FAM78B: variants seen among roughly 807,000 people sequenced by gnomAD.
FAM78B encodes the protein family with sequence similarity 78 member B, also known as protein FAM78B.
In FAM78B, 10 loss-of-function variants were observed where a neutral mutation model predicts 20.0. The observed-to-expected ratio is 0.50, with a 90% confidence interval of 0.31 to 0.85. The LOEUF is 0.85. Among genes scored for constraint, FAM78B ranks in the 40% least tolerant of loss-of-function variants. The probability of loss-of-function intolerance (pLI) is 0.05; values close to 1 mark genes in which losing one functional copy is unlikely to be tolerated. For synonymous variants in FAM78B, 135 were observed against 132.8 expected, an observed-to-expected ratio of 1.02 and a Z score of -0.12; for missense variants, 283 against 345.0, an observed-to-expected ratio of 0.82 and a Z score of 1.42.
intron 1 of FAM78B, among the ~76,000 whole-genome samples, chr1:166,162,552 C>T (rs766926179): frequency 2.0e-5 from 3 of 152,212 alleles, no homozygotes; most frequent in Admixed American, 6.5e-5. Context: ...TCAAATCTTA[C>T]TCAGGAAACC....
intron 1 of FAM78B, among the ~76,000 whole-genome samples, chr1:166,104,425 C>T (rs1269144953): frequency 2.0e-5 from 3 of 152,202 alleles, no homozygotes; most frequent in Non-Finnish European, 2.9e-5. Flanking sequence ...TCCCTGTTTG[C>T]AGGTGACATG....
intron 1 of FAM78B, chr1:166,154,612 C>A: frequency 2.3e-6 from 1 of 442,454 alleles, no homozygotes; most frequent in Non-Finnish European, 4.7e-6. Context: ...TGCCTGAAGA[C>A]CTGGACCCTC....
intron 1 of FAM78B, among the ~76,000 whole-genome samples, chr1:166,125,832 ATTTTTTT>A (rs34168180): frequency 7.8e-6 from 1 of 128,802 alleles, no homozygotes; most frequent in Non-Finnish European, 1.6e-5. Flanking sequence ...GCTACTTTGA[ATTTTTTT>A]TTTTTTTTTT....
chr1:166,145,992 T>C (rs1173390576), intron 1 of FAM78B, among the ~76,000 whole-genome samples: 1 of 152,212 alleles, frequency 6.6e-6, no homozygotes, highest in Non-Finnish European at 1.5e-5. Flanking sequence ...TTAGTTCTTT[T>C]CATTTGCGAA....
chr1:166,075,741 T>G (rs1163483817), intron 1 of FAM78B, among the ~76,000 whole-genome samples: 1 of 152,230 alleles, frequency 6.6e-6, no homozygotes, highest in Non-Finnish European at 1.5e-5. Flanking sequence ...GGCTTAGGCT[T>G]TGGTCTTCTT....
At chr1:166,147,205 T>C (rs999058591) in intron 1 of FAM78B, among the ~76,000 whole-genome samples, 1 of 152,148 alleles carries the variant, frequency 6.6e-6, no homozygotes, top group Non-Finnish European at 1.5e-5. Context: ...TAGGAAAGGC[T>C]GGTTGTGTGT....
At chr1:166,155,323 C>A (rs183870721) in intron 1 of FAM78B, among the ~76,000 whole-genome samples, 1 of 152,344 alleles carries the variant, frequency 6.6e-6, no homozygotes, top group Admixed American at 6.5e-5. Flanking sequence ...AAATCTGGCT[C>A]TGGCACTACT....
Position 166,070,394 on chromosome 1 carries a change from C to A in FAM78B, c.633G>T (p.Leu211=). The A allele has an allele frequency of 6.2e-7, 1 of 1,614,126 alleles. No individual in the cohort carries two copies. Among genetic ancestry groups the A allele is most frequent in the Non-Finnish European group, 8.5e-7 (1 of 1,179,984 alleles). ...GCTGCTCCTGCTGAGTCCTGCCCACCAGCCGGGCCCGCTGCCCCAAGAGCT... is the reference window on the plus strand; with the variant it reads ...GCTGCTCCTGCTGAGTCCTGCCCACAAGCCGGGCCCGCTGCCCCAAGAGCT... The part of the protein sequence containing the change: ...PLQLLGQRAR[L]VGRTQQEQPR... Residue 211 remains leucine (L), a synonymous_variant, in exon 2 of 2, where the codon CTG becomes CTT. Coordinates refer to ENST00000354422, the MANE Select transcript of FAM78B (RefSeq NM_001017961.5).
chr1:166,099,681 G>A (rs1653431845), intron 1 of FAM78B, among the ~76,000 whole-genome samples: 1 of 152,000 alleles, frequency 6.6e-6, no homozygotes, highest in Non-Finnish European at 1.5e-5. Flanking sequence ...AGACAAAGAG[G>A]GACATTATAT....
rs907362500 is a variant in FAM78B at position 166,086,343 on chromosome 1, A to G, written c.264-15580T>C. On this transcript the variant is annotated intron_variant, in intron 1 of 1. Transcript: ENST00000354422. ...AGAGCAGAGGAATGTCCCCAAAGAA[A>G]GCACAGTGGCAGAAGGGCAGGACTC... Among the ~76,000 whole-genome samples, 10 of 152,230 alleles carry G rather than the reference A, an allele frequency of 6.6e-5. No homozygotes were observed. In the South Asian group the frequency reaches 1.7e-3, roughly 25 times the overall value.
In FAM78B at chr1:166,166,319, C is replaced by G; in HGVS notation, c.-71G>C. The stretch of plus-strand genomic sequence containing the variant: ...GCCCGCGCGGGCAGCCGGGGGCGCC[C>G]GTCACGCCGGCATGGCGACGCGCCG... On this transcript the variant is annotated 5_prime_UTR_variant, in exon 1 of 2. Coordinates refer to ENST00000354422, the MANE Select transcript of FAM78B (RefSeq NM_001017961.5). 1 of 1,111,056 alleles carries G rather than the reference C, an allele frequency of 9.0e-7. No individual in the cohort carries two copies. The highest frequency in any genetic ancestry group is 1.1e-6 in the Non-Finnish European group (1 of 910,738). The allele number at this position is 1,111,056 out of a possible 1,614,324, so 68.8% of individuals were successfully genotyped here. A position where few individuals can be genotyped will look rare whatever the true frequency, so the allele number is the denominator to read the frequency against.
chr1:166,070,476 A>ATCT lies in FAM78B; in HGVS notation c.548_550dup (p.Lys183dup). The ATCT allele has an allele frequency of 6.2e-7, 1 of 1,614,168 alleles. No individual in the cohort carries two copies. On this transcript the variant is annotated inframe_insertion, in exon 2 of 2. Transcript: ENST00000354422. ...CCTCCACTTGATGGTCTGCAGAATG[A>ATCT]TCTTCTCCTTTGTGGTGGTGTTCAT...
chr1:166,074,724 C>A (rs115546436), intron 1 of FAM78B, among the ~76,000 whole-genome samples: 2 of 152,068 alleles, frequency 1.3e-5, no homozygotes, highest in African/African-American at 2.4e-5. Flanking sequence ...ATGCCTTGCA[C>A]GGAAAGTTGC....
chr1:166,148,634 G>A (rs1655562203), intron 1 of FAM78B, among the ~76,000 whole-genome samples: 1 of 152,220 alleles, frequency 6.6e-6, no homozygotes, highest in African/African-American at 2.4e-5. Context: ...TGGCAGGCGG[G>A]CAGCTGGGAT....
At chr1:166,068,896 CACTT>C (rs1330195991), downstream of FAM78B, among the ~76,000 whole-genome samples, 2 of 152,088 alleles carry the variant, frequency 1.3e-5, no homozygotes, top group Non-Finnish European at 2.9e-5. Flanking sequence ...CAAAAATCCT[CACTT>C]AAAGACTGGA....
At chr1:166,130,341 G>A (rs1487577671) in intron 1 of FAM78B, among the ~76,000 whole-genome samples, 3 of 152,196 alleles carry the variant, frequency 2.0e-5, no homozygotes, top group Admixed American at 1.3e-4. Context: ...CTGCTTCTAC[G>A]TAAGTATAGA....
At chr1:166,094,847 TATAC>T (rs1387869743) in intron 1 of FAM78B, among the ~76,000 whole-genome samples, 1 of 152,212 alleles carries the variant, frequency 6.6e-6, no homozygotes, top group East Asian at 1.9e-4. Context: ...TACTGAGGTT[TATAC>T]ACCTATTGAA....
At chr1:166,114,657 A>G (rs1341242891) in intron 1 of FAM78B, among the ~76,000 whole-genome samples, 1 of 152,204 alleles carries the variant, frequency 6.6e-6, no homozygotes, top group Non-Finnish European at 1.5e-5. Flanking sequence ...TAGTGGGAGT[A>G]GGGAGGAGGT....
intron 1 of FAM78B, among the ~76,000 whole-genome samples, chr1:166,090,677 C>T (rs756072854): frequency 5.9e-5 from 9 of 152,242 alleles, no homozygotes; most frequent in South Asian, 2.1e-4. Context: ...TGGGTGCAGG[C>T]GACAACAAGA....
Sources: allele counts gnomAD v4.1 joint callset (sites outside exome capture counted in the v4.1 genomes callset), GRCh38; gene constraint gnomAD v4.1.1; transcripts MANE v1.5; gene names NCBI Gene and HGNC (gene_info 2026-07-23, HGNC 2026-07-21).